The following PTPRR variants were observed in gnomAD, a reference collection of about 807,000 sequenced individuals.
PTPRR encodes receptor-type tyrosine-protein phosphatase R.
In PTPRR, 38 loss-of-function variants were observed where a neutral mutation model predicts 77.2. That is an observed-to-expected ratio of 0.49 (90% CI 0.38 to 0.65). The LOEUF is 0.65. Among genes scored for constraint, PTPRR ranks in the 30% least tolerant of loss-of-function variants. PTPRR has a pLI of 0.00. For synonymous variants in PTPRR, 299 were observed against 283.1 expected (o/e 1.06, Z -0.57); for missense variants, 744 against 799.2 (o/e 0.93, Z 0.83).
intron 2 of PTPRR, among the ~76,000 whole-genome samples, chr12:70,882,521 C>G (rs183054427): frequency 6.6e-6 from 1 of 152,082 alleles, no homozygotes; most frequent in Non-Finnish European, 1.5e-5. Context: ...GAGGCCAGTC[C>G]GGCAAGACGC....
intron 6 of PTPRR, among the ~76,000 whole-genome samples, chr12:70,745,308 G>A (rs1358396240): frequency 6.6e-6 from 1 of 152,170 alleles, no homozygotes; most frequent in Non-Finnish European, 1.5e-5. Context: ...GATTATAGGC[G>A]TGAGCCACTG....
At chr12:70,831,714 C>T (rs574603577) in intron 2 of PTPRR, among the ~76,000 whole-genome samples, 20 of 152,294 alleles carry the variant, frequency 1.3e-4, no homozygotes, top group African/African-American at 4.6e-4. Flanking sequence ...TTCTGGCTCA[C>T]CTGCATGTAG....
rs532222431 is a variant in PTPRR at position 70,912,684 on chromosome 12, T to C, written c.58+7649A>G. Among the ~76,000 whole-genome samples, 123 of 152,290 alleles carry C rather than the reference T, an allele frequency of 8.1e-4. 1 individual carries two copies. The highest frequency in any genetic ancestry group is 2.9e-3 in the African/African-American group (121 of 41,566). ...ATTATGAGGAAAGTTTATGCAGTCA[T>C]TATGAATAAAAATGATTTAAGTGGA... On this transcript the variant is annotated intron_variant, in intron 1 of 13. Transcript: ENST00000283228.
intron 6 of PTPRR, among the ~76,000 whole-genome samples, chr12:70,725,780 C>G (rs1255139037): frequency 6.6e-6 from 1 of 151,648 alleles, no homozygotes; most frequent in Non-Finnish European, 1.5e-5. Flanking sequence ...TTACCTTTAC[C>G]AAGTGTTACA....
intron 6 of PTPRR, among the ~76,000 whole-genome samples, chr12:70,709,381 GGAAGCATTCCCCTT>G (rs771723913): frequency 1.3e-5 from 2 of 152,070 alleles, no homozygotes; most frequent in Non-Finnish European, 2.9e-5. Flanking sequence ...GGCAAAAGCC[GGAAGCATTCCCCTT>G]GAAAATCAGC....
chr12:70,910,794 T>C (rs1198772949), intron 1 of PTPRR, among the ~76,000 whole-genome samples: 2 of 152,146 alleles, frequency 1.3e-5, no homozygotes, highest in African/African-American at 4.8e-5. Context: ...GGGACCAGGC[T>C]TGTGAGGACT....
intron 1 of PTPRR, among the ~76,000 whole-genome samples, chr12:70,896,760 C>T (rs1349368836): frequency 6.6e-6 from 1 of 151,804 alleles, no homozygotes; most frequent in Non-Finnish European, 1.5e-5. Flanking sequence ...ACATGTAAGT[C>T]TTTAATCCAT....
chr12:70,853,579 T>C (rs1323582033), intron 2 of PTPRR, among the ~76,000 whole-genome samples: 1 of 152,232 alleles, frequency 6.6e-6, no homozygotes, highest in Non-Finnish European at 1.5e-5. Context: ...TATTGCTCAA[T>C]CTTGGTCTCG....
intron 2 of PTPRR, among the ~76,000 whole-genome samples, chr12:70,817,760 A>AAG (rs763697769): frequency 2.0e-5 from 3 of 152,332 alleles, no homozygotes; most frequent in Non-Finnish European, 4.4e-5. Context: ...GTTTGTCAAT[A>AAG]AGAGATACAT....
chr12:70,656,037 C>T (rs577326051), intron 13 of PTPRR, among the ~76,000 whole-genome samples: 1 of 151,722 alleles, frequency 6.6e-6, no homozygotes, highest in Admixed American at 6.6e-5. Context: ...CATAGTAAGA[C>T]CCTGTCTCTA....
At chr12:70,684,079 A>C (rs1188032792) in intron 10 of PTPRR, 48 bp downstream of exon 10, 1 of 1,585,026 alleles carries the variant, frequency 6.3e-7, no homozygotes, top group Middle Eastern at 1.7e-4. Context: ...TATCTCTTCT[A>C]TAGCAACAGA....
At chr12:70,651,278 C>T (rs1200300547) in intron 13 of PTPRR, among the ~76,000 whole-genome samples, 2 of 152,228 alleles carry the variant, frequency 1.3e-5, no homozygotes, top group African/African-American at 4.8e-5. Context: ...CTGAAAAGAA[C>T]AGATCACTTC....
chr12:70,906,214 G>A (rs1214062864), intron 1 of PTPRR, among the ~76,000 whole-genome samples: 4 of 151,900 alleles, frequency 2.6e-5, no homozygotes, highest in Non-Finnish European at 5.9e-5. Context: ...ACCCCAATGA[G>A]CCTCAGTCTT....
chr12:70,668,279 G>GA, intron 10 of PTPRR, among the ~76,000 whole-genome samples: 1 of 151,910 alleles, frequency 6.6e-6, no homozygotes, highest in South Asian at 2.1e-4. Flanking sequence ...AGAGGAGGAA[G>GA]AGGAGGAGGA....
intron 2 of PTPRR, among the ~76,000 whole-genome samples, chr12:70,765,176 T>C (rs1890786365): frequency 6.6e-6 from 1 of 152,108 alleles, no homozygotes; most frequent in Non-Finnish European, 1.5e-5. Context: ...GTGGGTGCAG[T>C]GCACCGTGCA....
intron 6 of PTPRR, among the ~76,000 whole-genome samples, chr12:70,710,282 A>T (rs1888777548): frequency 6.6e-6 from 1 of 152,190 alleles, no homozygotes; most frequent in Non-Finnish European, 1.5e-5. Flanking sequence ...AACAAATCTG[A>T]CAAAAACAAG....
chr12:70,920,376 G>A lies in PTPRR; in HGVS notation c.15C>T (p.Val5=), dbSNP rs775660767. 3 of 1,613,664 alleles carry A rather than the reference G, an allele frequency of 1.9e-6. No homozygotes were observed. Among genetic ancestry groups the A allele is most frequent in the Admixed American group, 3.3e-5 (2 of 60,022 alleles). The change falls in exon 1 of 14, where the codon GTC becomes GTT. Residue 5 remains valine (V), a synonymous_variant. Transcript: ENST00000283228. MRRA[V]CFPALCLLLN... ...GGAGCAGGCACAGCGCAGGGAAGCA[G>A]ACTGCTCTCCGCATAGTGTTTGCAT...
Position 70,777,608 on chromosome 12 carries a change from C to A in PTPRR, c.358-12830G>T, listed in dbSNP as rs558581938. Among the ~76,000 whole-genome samples, 144 of 152,258 alleles carry A rather than the reference C, an allele frequency of 9.5e-4. 1 individual carries two copies. The highest frequency in any genetic ancestry group is 3.4e-3 in the African/African-American group (140 of 41,550). Reference sequence around the variant, plus strand: ...TGTGTATTAGAGACTACCCAGAATTCTCCATGATCAAGATAAGTAAAAGTA... The same window carrying A: ...TGTGTATTAGAGACTACCCAGAATTATCCATGATCAAGATAAGTAAAAGTA... On this transcript the variant is annotated intron_variant, in intron 2 of 13. Coordinates refer to ENST00000283228, the MANE Select transcript of PTPRR (RefSeq NM_002849.4).
At chr12:70,728,527 GAATATA>G (rs1482385505) in intron 6 of PTPRR, among the ~76,000 whole-genome samples, 1 of 48,168 alleles carries the variant, frequency 2.1e-5, no homozygotes, top group Non-Finnish European at 3.6e-5. Flanking sequence ...TCCAAAATCT[GAATATA>G]TATATATATA....
Sources: allele counts gnomAD v4.1 joint callset (sites outside exome capture counted in the v4.1 genomes callset), GRCh38; gene constraint gnomAD v4.1.1; transcripts MANE v1.5; gene names NCBI Gene and HGNC (gene_info 2026-07-23, HGNC 2026-07-21).